Variants in ENTREP2 observed in about 807,000 individuals in gnomAD.
ENTREP2 encodes the protein endosomal transmembrane epsin interactor 2.
chr15:29,261,262 C>T, the ENTREP2 span, among the ~76,000 whole-genome samples: 1 of 152,136 alleles, frequency 6.6e-6, no homozygotes, highest in Non-Finnish European at 1.5e-5. Context: ...CCTGTAATCC[C>T]AGCTGATCAG....
At chr15:29,211,383 C>A in the ENTREP2 span, among the ~76,000 whole-genome samples, 1 of 152,188 alleles carries the variant, frequency 6.6e-6, no homozygotes, top group Non-Finnish European at 1.5e-5. Context: ...CCCAGCATGA[C>A]CCAGCCCCTG....
the ENTREP2 span, among the ~76,000 whole-genome samples, chr15:29,642,559 A>G: frequency 1.4e-5 from 2 of 146,080 alleles, no homozygotes; most frequent in Non-Finnish European, 3.0e-5. Context: ...ATACACATAT[A>G]TATACTATAT....
chr15:29,197,718 A>G, the ENTREP2 span, among the ~76,000 whole-genome samples: 1 of 151,848 alleles, frequency 6.6e-6, no homozygotes, highest in Non-Finnish European at 1.5e-5. Flanking sequence ...GTGAGCTGAG[A>G]TCATGCCATT....
At chr15:29,276,352 C>A in the ENTREP2 span, among the ~76,000 whole-genome samples, 1 of 152,234 alleles carries the variant, frequency 6.6e-6, no homozygotes, top group African/African-American at 2.4e-5. Flanking sequence ...ATAGTGGTCA[C>A]TAAGATTCTC....
chr15:29,231,888 TTCTTTC>T, the ENTREP2 span, among the ~76,000 whole-genome samples: 38 of 140,240 alleles, frequency 2.7e-4, 3 homozygotes, highest in East Asian at 9.0e-4. Context: ...TTCTTTTCTT[TTCTTTC>T]TTTTTTTTTT....
At chr15:29,442,177 T>C in the ENTREP2 span, among the ~76,000 whole-genome samples, 1 of 152,166 alleles carries the variant, frequency 6.6e-6, no homozygotes, top group Non-Finnish European at 1.5e-5. Flanking sequence ...TGTTAATAGA[T>C]GGGTAGGAAG....
At chr15:29,485,157 T>C in the ENTREP2 span, among the ~76,000 whole-genome samples, 3 of 152,042 alleles carry the variant, frequency 2.0e-5, no homozygotes, top group African/African-American at 4.8e-5. Flanking sequence ...ATCAACTTTG[T>C]CAGAATAATG....
the ENTREP2 span, among the ~76,000 whole-genome samples, chr15:29,497,733 A>G: frequency 6.6e-6 from 1 of 151,912 alleles, no homozygotes; most frequent in Non-Finnish European, 1.5e-5. Flanking sequence ...ACCAACTCTT[A>G]GTTTTGCTGA....
At chr15:29,235,233 A>G in the ENTREP2 span, 2 of 541,238 alleles carry the variant, frequency 3.7e-6, no homozygotes, top group South Asian at 4.3e-5. Flanking sequence ...TCATTATAGA[A>G]CATTTAAAAA....
the ENTREP2 span, among the ~76,000 whole-genome samples, chr15:29,159,047 T>G: frequency 4.6e-5 from 7 of 152,126 alleles, no homozygotes; most frequent in Admixed American, 1.3e-4. Flanking sequence ...GAGCGGGTCG[T>G]GGTAGTGTAT....
At chr15:29,436,544 C>T in the ENTREP2 span, among the ~76,000 whole-genome samples, 3 of 152,078 alleles carry the variant, frequency 2.0e-5, no homozygotes, top group South Asian at 2.1e-4. Flanking sequence ...CATATTCAGT[C>T]GAGAACAAAA....
the ENTREP2 span, among the ~76,000 whole-genome samples, chr15:29,644,946 T>C: frequency 2.0e-5 from 3 of 152,002 alleles, no homozygotes; most frequent in African/African-American, 7.2e-5. Flanking sequence ...TGGTAGCTCA[T>C]GCTTGTAATC....
the ENTREP2 span, among the ~76,000 whole-genome samples, chr15:29,513,023 A>C: frequency 6.6e-6 from 1 of 152,170 alleles, no homozygotes. Flanking sequence ...ATATTCTTTA[A>C]AAAGTCAGCC....
the ENTREP2 span, among the ~76,000 whole-genome samples, chr15:29,515,203 G>A: frequency 6.6e-6 from 1 of 152,216 alleles, no homozygotes; most frequent in African/African-American, 2.4e-5. Flanking sequence ...GCTAGACAGT[G>A]CAGAGCAGCC....
At chr15:29,201,420 C>A in the ENTREP2 span, among the ~76,000 whole-genome samples, 2 of 152,174 alleles carry the variant, frequency 1.3e-5, no homozygotes, top group Non-Finnish European at 2.9e-5. Flanking sequence ...TTTGTAGATG[C>A]TCTTTTTCAA....
chr15:29,516,275 T>G, the ENTREP2 span, among the ~76,000 whole-genome samples: 46 of 152,256 alleles, frequency 3.0e-4, no homozygotes, highest in East Asian at 6.8e-3. Flanking sequence ...GATACATGGA[T>G]GGTAACTGAA....
chr15:29,530,553 G>A, the ENTREP2 span, among the ~76,000 whole-genome samples: 7 of 152,102 alleles, frequency 4.6e-5, no homozygotes, highest in Non-Finnish European at 7.4e-5. Context: ...TACCAAGAGC[G>A]GTTCACCACT....
the ENTREP2 span, among the ~76,000 whole-genome samples, chr15:29,505,645 G>C: frequency 1.3e-4 from 20 of 152,310 alleles, no homozygotes; most frequent in Admixed American, 4.6e-4. The surrounding 1 kb of genome is among the most constrained non-coding windows in gnomAD (Gnocchi z 4.3). Flanking sequence ...GCAAACTCCA[G>C]AAGACCTGAA....
the ENTREP2 span, among the ~76,000 whole-genome samples, chr15:29,668,601 A>G: frequency 3.3e-5 from 5 of 152,190 alleles, no homozygotes; most frequent in African/African-American, 1.2e-4. Flanking sequence ...ATACTGATTG[A>G]TACTACAACA....
Sources: allele counts gnomAD v4.1 joint callset (sites outside exome capture counted in the v4.1 genomes callset), GRCh38; gene constraint gnomAD v4.1.1; non-coding constraint Gnocchi (gnomAD v3.1); transcripts MANE v1.5; gene names NCBI Gene and HGNC (gene_info 2026-07-23, HGNC 2026-07-21).